TAFA5: variants seen among roughly 807,000 people sequenced by gnomAD.
TAFA5 encodes TAFA chemokine like family member 5.
In TAFA5, 6 loss-of-function variants were observed where a neutral mutation model predicts 15.3. The ratio of observed to expected loss-of-function variants is 0.39; its 90% CI spans 0.21 to 0.77. The LOEUF is 0.77. Among genes scored for constraint, TAFA5 ranks in the 30% least tolerant of loss-of-function variants. TAFA5 has a pLI of 0.41. For synonymous variants in TAFA5, 103 were observed against 80.7 expected, an observed-to-expected ratio of 1.28 and a Z score of -1.48; for missense variants, 161 against 193.1, an observed-to-expected ratio of 0.83 and a Z score of 0.98.
At chr22:48,663,744 T>C (rs9617490) in intron 2 of TAFA5, among the ~76,000 whole-genome samples, 61,534 of 152,136 alleles carry the variant, frequency 0.4, 13,544 homozygotes, top group African/African-American at 0.59. Flanking sequence ...TCCCTTTTCC[T>C]GGCATATTCA....
At chr22:48,658,778 C>T (rs986443316) in intron 2 of TAFA5, among the ~76,000 whole-genome samples, 20 of 152,180 alleles carry the variant, frequency 1.3e-4, no homozygotes, top group African/African-American at 4.6e-4. Flanking sequence ...AGGGCGTCGA[C>T]GTGTAGAGAG....
intron 1 of TAFA5, among the ~76,000 whole-genome samples, chr22:48,609,821 T>C (rs1004132223): frequency 2.6e-5 from 4 of 152,188 alleles, no homozygotes; most frequent in Non-Finnish European, 4.4e-5. Context: ...GCTCTCTGGC[T>C]GCCCGTGGCT....
chr22:48,678,969 TCTCCCCGTCCATCCCTCTCCCGG>T (rs1231968141), intron 2 of TAFA5, among the ~76,000 whole-genome samples: 29 of 8,950 alleles, frequency 3.2e-3, no homozygotes, highest in East Asian at 0.014. Context: ...CCCTCTCCCG[TCTCCCCGTCCATCCCTCTCCCGG>T]CTCCCCGTCC....
intron 3 of TAFA5, among the ~76,000 whole-genome samples, chr22:48,748,483 T>C (rs73441851): frequency 0.02 from 3,092 of 152,210 alleles, 118 homozygotes; most frequent in African/African-American, 0.069. Context: ...AGAACGGCCG[T>C]GGTGGCAGCT....
intron 2 of TAFA5, among the ~76,000 whole-genome samples, chr22:48,674,724 G>A (rs769828007): frequency 1.1e-4 from 16 of 152,118 alleles, no homozygotes; most frequent in Non-Finnish European, 2.2e-4. Context: ...GTGGGGAGGG[G>A]GGCCACCTTA....
intron 1 of TAFA5, among the ~76,000 whole-genome samples, chr22:48,498,941 C>T (rs1040027876): frequency 7.9e-5 from 12 of 152,244 alleles, no homozygotes; most frequent in Non-Finnish European, 1.5e-4. Context: ...ACTTCTGCAG[C>T]TGGACGGGCC....
intron 1 of TAFA5, among the ~76,000 whole-genome samples, chr22:48,520,358 T>C (rs541956730): frequency 5.9e-5 from 9 of 152,342 alleles, no homozygotes; most frequent in Admixed American, 5.9e-4. Context: ...TGGGCATGTG[T>C]TGGCTGCTTC....
chr22:48,603,412 G>T (rs965241423), intron 1 of TAFA5, among the ~76,000 whole-genome samples: 1 of 152,260 alleles, frequency 6.6e-6, no homozygotes, highest in African/African-American at 2.4e-5. Flanking sequence ...GTGGCTGGGG[G>T]TGATCACCCT....
In TAFA5 at chr22:48,668,449, A is replaced by G. The variant is rs180995911; in HGVS notation, c.262+21703A>G. On this transcript the variant is annotated intron_variant, in intron 2 of 3. Transcript: ENST00000402357. ...TGGGAGCTGTAATCCCCCAGCACTC[A>G]GGGCCGCATCTTCACTGGGAGTGTT... Among the ~76,000 whole-genome samples, 3 of 15,494 alleles carry G rather than the reference A, an allele frequency of 1.9e-4. 1 individual carries two copies. Among genetic ancestry groups the G allele is most frequent in the Non-Finnish European group, 2.6e-4 (3 of 11,462 alleles). The allele number at this position is 15,494 out of a possible 152,430, so 10.2% of individuals were successfully genotyped here. A position where few individuals can be genotyped will look rare whatever the true frequency, so the allele number is the denominator to read the frequency against.
chr22:48,508,174 G>T (rs910807142), intron 1 of TAFA5, among the ~76,000 whole-genome samples: 5 of 152,190 alleles, frequency 3.3e-5, no homozygotes, highest in Non-Finnish European at 7.4e-5. Context: ...TGTCTGTGTG[G>T]GGGCTGCACT....
intron 1 of TAFA5, among the ~76,000 whole-genome samples, chr22:48,623,079 A>G (rs75882716): frequency 7.9e-5 from 12 of 152,272 alleles, no homozygotes; most frequent in Middle Eastern, 3.4e-3. Flanking sequence ...CCCTGCAGCA[A>G]TGTGTTCTGT....
intron 1 of TAFA5, among the ~76,000 whole-genome samples, chr22:48,567,891 G>A (rs1923461102): frequency 6.6e-6 from 1 of 152,210 alleles, no homozygotes; most frequent in Admixed American, 6.5e-5. Flanking sequence ...TGCTGGGCAG[G>A]CCTGGGAACG....
chr22:48,707,924 G>T (rs189371701), intron 3 of TAFA5, 80 bp downstream of exon 3: 4 of 1,533,018 alleles, frequency 2.6e-6, no homozygotes, highest in Admixed American at 1.8e-5. Flanking sequence ...CCCGGGCTCC[G>T]CGGGGACAGG....
chr22:48,546,640 C>T (rs903614695), intron 1 of TAFA5: 22 of 469,346 alleles, frequency 4.7e-5, no homozygotes, highest in African/African-American at 2.2e-4. Context: ...CATGGCCTGG[C>T]GAGTCCTCCT....
At chr22:48,628,332 C>G (rs1241420509) in intron 1 of TAFA5, among the ~76,000 whole-genome samples, 14 of 152,240 alleles carry the variant, frequency 9.2e-5, no homozygotes, top group Non-Finnish European at 2.1e-4. Context: ...CCCTCCGTGC[C>G]AGTCCCAGCC....
At chr22:48,540,684 G>A (rs1922337125) in intron 1 of TAFA5, among the ~76,000 whole-genome samples, 1 of 149,046 alleles carries the variant, frequency 6.7e-6, no homozygotes, top group African/African-American at 2.5e-5. Flanking sequence ...TCAAGTTACT[G>A]TACTAAAATA....
intron 1 of TAFA5, among the ~76,000 whole-genome samples, chr22:48,633,198 C>G (rs1926296046): frequency 6.6e-6 from 1 of 152,180 alleles, no homozygotes; most frequent in South Asian, 2.1e-4. Context: ...CGACCTGAAC[C>G]CCACGACCTT....
At chr22:48,601,243 A>G (rs1280338029) in intron 1 of TAFA5, among the ~76,000 whole-genome samples, 3 of 152,140 alleles carry the variant, frequency 2.0e-5, no homozygotes, top group African/African-American at 7.2e-5. Context: ...TCTTCGATGT[A>G]TCCCTTATGG....
chr22:48,542,342 GTGGT>G (rs1183998932), intron 1 of TAFA5, among the ~76,000 whole-genome samples: 1 of 136,578 alleles, frequency 7.3e-6, no homozygotes, highest in Admixed American at 7.6e-5. Flanking sequence ...TGGTGTGTGT[GTGGT>G]GTGTGTGCAT....
Sources: allele counts gnomAD v4.1 joint callset (sites outside exome capture counted in the v4.1 genomes callset), GRCh38; gene constraint gnomAD v4.1.1; transcripts MANE v1.5; gene names NCBI Gene and HGNC (gene_info 2026-07-23, HGNC 2026-07-21).